TASP1: variants seen among roughly 807,000 people sequenced by gnomAD.
TASP1 encodes taspase 1.
A neutral mutation model predicts 56.6 loss-of-function variants in TASP1; 16 were observed. The observed-to-expected ratio is 0.28, with a 90% confidence interval of 0.19 to 0.43. TASP1 has a LOEUF of 0.43. Among genes scored for constraint, TASP1 ranks in the 20% least tolerant of loss-of-function variants. The pLI is 1.00. For synonymous variants in TASP1, 179 were observed against 184.2 expected, an observed-to-expected ratio of 0.97 and a Z score of 0.23; for missense variants, 393 against 511.6, an observed-to-expected ratio of 0.77 and a Z score of 2.24.
the TASP1 span, among the ~76,000 whole-genome samples, chr20:13,360,325 A>T: frequency 1.9e-3 from 284 of 150,460 alleles, 2 homozygotes; most frequent in Middle Eastern, 0.024. Context: ...AGCTTCACAG[A>T]CAGCCCCCAT....
chr20:13,117,981 C>A, the TASP1 span, among the ~76,000 whole-genome samples: 4 of 151,098 alleles, frequency 2.6e-5, no homozygotes, highest in East Asian at 7.7e-4. Flanking sequence ...ACATAAGATG[C>A]AAAGTACCAG....
At chr20:13,117,615 G>A in the TASP1 span, 24 of 1,613,976 alleles carry the variant, frequency 1.5e-5, no homozygotes, top group Middle Eastern at 1.6e-4. Flanking sequence ...GGGCCCAACC[G>A]GCCGGGGTGT....
At chr20:13,318,488 A>G in the TASP1 span, among the ~76,000 whole-genome samples, 2 of 152,224 alleles carry the variant, frequency 1.3e-5, no homozygotes, top group South Asian at 2.1e-4. Flanking sequence ...TATTTACCCA[A>G]AAAACTTGAA....
chr20:13,123,164 C>A, the TASP1 span, among the ~76,000 whole-genome samples: 1 of 152,094 alleles, frequency 6.6e-6, no homozygotes, highest in Non-Finnish European at 1.5e-5. Flanking sequence ...AACCCCATCT[C>A]TACTAAAAAT....
At chr20:13,620,281 CACACACACACACACACACAT>C (rs969809548) in intron 4 of TASP1, among the ~76,000 whole-genome samples, 5 of 152,164 alleles carry the variant, frequency 3.3e-5, no homozygotes, top group East Asian at 1.9e-4. Context: ...CACACACACA[CACACACACACACACACACAT>C]ACATATACAC....
At chr20:13,429,617 T>A (rs1271196378) in intron 12 of TASP1, among the ~76,000 whole-genome samples, 2 of 149,116 alleles carry the variant, frequency 1.3e-5, no homozygotes, top group East Asian at 2.0e-4. Context: ...TGTGTGTGAG[T>A]GTGTGTGTGT....
chr20:13,570,415 C>T (rs1346399940), intron 6 of TASP1, among the ~76,000 whole-genome samples: 1 of 152,018 alleles, frequency 6.6e-6, no homozygotes, highest in Non-Finnish European at 1.5e-5. Context: ...TTTTCCACTC[C>T]CTATTTTTTT....
chr20:13,460,683 A>T (rs1600864836), intron 11 of TASP1, among the ~76,000 whole-genome samples: 1 of 152,132 alleles, frequency 6.6e-6, no homozygotes. Flanking sequence ...TCCTCAAGTC[A>T]TCGTGACTCT....
intron 11 of TASP1, among the ~76,000 whole-genome samples, chr20:13,466,067 T>C (rs967227765): frequency 3.9e-5 from 6 of 152,162 alleles, no homozygotes; most frequent in African/African-American, 1.4e-4. Context: ...ATAGCCTAGT[T>C]GTGACATTCT....
intron 12 of TASP1, among the ~76,000 whole-genome samples, chr20:13,418,934 A>G (rs575225694): frequency 1.3e-5 from 2 of 152,238 alleles, no homozygotes; most frequent in South Asian, 4.1e-4. Flanking sequence ...AAGTCAGAAA[A>G]CACAAAGTTG....
intron 10 of TASP1, among the ~76,000 whole-genome samples, chr20:13,520,352 T>A (rs778113660): frequency 6.6e-5 from 10 of 152,228 alleles, no homozygotes; most frequent in South Asian, 2.1e-4. Context: ...TGGAGGCATC[T>A]CGCTACCTGA....
chr20:13,496,485 T>TAA (rs56129321), intron 10 of TASP1, among the ~76,000 whole-genome samples: 1 of 146,616 alleles, frequency 6.8e-6, no homozygotes, highest in East Asian at 2.0e-4. Context: ...ATTTCCTACT[T>TAA]AAAAAAAAAA....
chr20:13,253,862 C>CATAT, the TASP1 span, among the ~76,000 whole-genome samples: 1,054 of 140,234 alleles, frequency 7.5e-3, 20 homozygotes, highest in African/African-American at 0.025. Context: ...CATCCATATC[C>CATAT]ATATATATAT....
chr20:13,410,932 T>C (rs1005458659), intron 13 of TASP1, among the ~76,000 whole-genome samples: 12 of 152,148 alleles, frequency 7.9e-5, no homozygotes, highest in African/African-American at 2.4e-4. Flanking sequence ...ATTTTCCCTA[T>C]GTTTTCTTCT....
At chr20:13,483,167 G>T in intron 11 of TASP1, 60 bp downstream of exon 11, 3 of 1,267,942 alleles carry the variant, frequency 2.4e-6, no homozygotes, top group African/African-American at 1.5e-5. Flanking sequence ...GACTCATAGT[G>T]CTTATAGAAG....
chr20:13,474,913 G>C (rs2044666735), intron 11 of TASP1, among the ~76,000 whole-genome samples: 3 of 151,810 alleles, frequency 2.0e-5, no homozygotes, highest in African/African-American at 7.3e-5. Flanking sequence ...TTTCATGTTT[G>C]TTGGCAGTAT....
chr20:13,485,209 T>C (rs762556260), intron 10 of TASP1, among the ~76,000 whole-genome samples: 1 of 152,192 alleles, frequency 6.6e-6, no homozygotes. Flanking sequence ...GAAACAAATA[T>C]GCTGAATAGG....
chr20:13,425,906 A>G (rs1376646648), intron 12 of TASP1, among the ~76,000 whole-genome samples: 2 of 152,180 alleles, frequency 1.3e-5, no homozygotes, highest in African/African-American at 2.4e-5. Flanking sequence ...CCATGAAGAA[A>G]CTTTGACTTG....
chr20:13,268,543 A>T, the TASP1 span, among the ~76,000 whole-genome samples: 5 of 152,176 alleles, frequency 3.3e-5, no homozygotes, highest in Non-Finnish European at 5.9e-5. Context: ...GTGAACAAAG[A>T]CACTGCCCCC....
Sources: allele counts gnomAD v4.1 joint callset (sites outside exome capture counted in the v4.1 genomes callset), GRCh38; gene constraint gnomAD v4.1.1; transcripts MANE v1.5; gene names NCBI Gene and HGNC (gene_info 2026-07-23, HGNC 2026-07-21).